The following YEATS4 variants were observed in gnomAD, a reference collection of about 807,000 sequenced individuals.
YEATS4 encodes YEATS domain-containing protein 4.
YEATS4 carries 17 observed loss-of-function variants against 30.1 expected under a neutral mutation model. The observed-to-expected ratio is 0.56, with a 90% confidence interval of 0.39 to 0.85. The LOEUF is 0.85. Among genes scored for constraint, YEATS4 ranks in the 40% least tolerant of loss-of-function variants. The pLI is 0.00. For synonymous variants in YEATS4, 85 were observed against 87.5 expected, an observed-to-expected ratio of 0.97 and a Z score of 0.16; for missense variants, 142 against 268.3, an observed-to-expected ratio of 0.53 and a Z score of 3.29.
At chr12:69,408,841 G>A in the YEATS4 span, among the ~76,000 whole-genome samples, 1 of 152,068 alleles carries the variant, frequency 6.6e-6, no homozygotes, top group Admixed American at 6.6e-5. Flanking sequence ...GTGTGTCAGG[G>A]GCCTTTTCCT....
downstream of YEATS4, among the ~76,000 whole-genome samples, chr12:69,394,617 GTGTTTGTT>G (rs60206769): frequency 0.024 from 3,689 of 151,414 alleles, 142 homozygotes; most frequent in African/African-American, 0.084. Flanking sequence ...TGGAGATAGT[GTGTTTGTT>G]TGTTTGTTTG....
the YEATS4 span, among the ~76,000 whole-genome samples, chr12:69,418,629 G>GT: frequency 6.6e-6 from 1 of 152,104 alleles, no homozygotes; most frequent in African/African-American, 2.4e-5. Flanking sequence ...ATTGAAGTTG[G>GT]TTTTTTTCTT....
At chr12:69,388,025 A>G (rs531276722) in intron 6 of YEATS4, among the ~76,000 whole-genome samples, 27 of 151,906 alleles carry the variant, frequency 1.8e-4, no homozygotes, top group Non-Finnish European at 2.9e-4. Flanking sequence ...GAAAGAACTC[A>G]TTAATATTCA....
At chr12:69,424,821 T>G in the YEATS4 span, among the ~76,000 whole-genome samples, 1 of 152,166 alleles carries the variant, frequency 6.6e-6, no homozygotes, top group Non-Finnish European at 1.5e-5. Context: ...TAATTAAACC[T>G]CTTTCCTTTA....
the YEATS4 span, among the ~76,000 whole-genome samples, chr12:69,414,337 C>T: frequency 7.3e-6 from 1 of 136,638 alleles, no homozygotes; most frequent in Non-Finnish European, 1.7e-5. Context: ...TCAAGTGATC[C>T]TACTACCTCA....
chr12:69,390,214 T>C lies in YEATS4; in HGVS notation c.582T>C (p.Ile194=), dbSNP rs376340867. 7.5e-6 allele frequency: 12 copies of C among 1,603,602 alleles called. No homozygotes were observed. The highest frequency in any genetic ancestry group is 9.3e-6 in the Non-Finnish European group (11 of 1,177,568). ...CTAAGAAAAAAACAAGCTTTGAGAT[T>C]GCAGAGCTTAAGGAGAGATTAAAAG... is the stretch of plus-strand genomic sequence containing the variant. ...EAAKKKTSFE[I]AELKERLKAS... The change falls in exon 7 of 7, where the codon ATT becomes ATC. Residue 194 remains isoleucine, a synonymous_variant. Transcript: ENST00000247843.
the YEATS4 span, among the ~76,000 whole-genome samples, chr12:69,403,477 T>C: frequency 6.7e-6 from 1 of 149,878 alleles, no homozygotes; most frequent in Admixed American, 6.7e-5. Flanking sequence ...CTCGGGAGGC[T>C]AAGGCAGCAG....
the YEATS4 span, among the ~76,000 whole-genome samples, chr12:69,416,937 G>A: frequency 2.0e-5 from 3 of 151,782 alleles, no homozygotes; most frequent in South Asian, 6.2e-4. Context: ...GCCGGGCATG[G>A]TGGTGGGTGC....
In YEATS4 at chr12:69,359,949, C is replaced by T. The variant is rs1592844480; in HGVS notation, c.-24C>T. ...CAGCCCCGGTCTCTTTCCCTGGCGGCGGCGGCTTCTTCCGTGGGACAATAT... is the reference window on the plus strand; with the variant it reads ...CAGCCCCGGTCTCTTTCCCTGGCGGTGGCGGCTTCTTCCGTGGGACAATAT... On this transcript the variant is annotated 5_prime_UTR_variant, in exon 1 of 7. Coordinates refer to ENST00000247843, the MANE Select transcript of YEATS4 (RefSeq NM_006530.4). The T allele has an allele frequency of 6.2e-7, 1 of 1,611,598 alleles. No homozygotes were observed. The highest frequency in any genetic ancestry group is 2.2e-5 in the East Asian group (1 of 44,610).
chr12:69,378,021 C>T (rs1277804053), intron 6 of YEATS4, among the ~76,000 whole-genome samples: 1 of 152,178 alleles, frequency 6.6e-6, no homozygotes, highest in East Asian at 1.9e-4. Context: ...TATCTGACTG[C>T]TCCACTGTTG....
intron 6 of YEATS4, among the ~76,000 whole-genome samples, chr12:69,375,147 G>C (rs898142402): frequency 6.6e-6 from 1 of 150,414 alleles, no homozygotes; most frequent in African/African-American, 2.5e-5. Flanking sequence ...CTTCCCAGAC[G>C]GGGAGGCTGC....
chr12:69,390,380 T>G lies in YEATS4; in HGVS notation c.*64T>G. On this transcript the variant is annotated 3_prime_UTR_variant, in exon 7 of 7. Transcript: ENST00000247843. ...AATAAGGTGGGCTTCACTGGAGAAA[T>G]GGACTTACTGCAAATGCTGTGATGT... 2.1e-6 allele frequency: 3 copies of G among 1,412,522 alleles called. No individual in the cohort carries two copies. The allele number at this position is 1,412,522 out of a possible 1,614,324, so 87.5% of individuals were successfully genotyped here. A position where few individuals can be genotyped will look rare whatever the true frequency, so the allele number is the denominator to read the frequency against.
intron 4 of YEATS4, among the ~76,000 whole-genome samples, chr12:69,368,117 A>AG (rs1450152255): frequency 6.6e-6 from 1 of 152,202 alleles, no homozygotes; most frequent in Non-Finnish European, 1.5e-5. Flanking sequence ...AAAATATTAT[A>AG]GGGTTTTTTA....
At chr12:69,400,062 C>T in the YEATS4 span, among the ~76,000 whole-genome samples, 1 of 151,978 alleles carries the variant, frequency 6.6e-6, no homozygotes, top group Admixed American at 6.6e-5. Flanking sequence ...GTGATCGTTA[C>T]ACAACCTTGT....
At chr12:69,364,205 C>G (rs891103298) in intron 2 of YEATS4, 4 of 448,210 alleles carry the variant, frequency 8.9e-6, no homozygotes, top group South Asian at 6.3e-5. Flanking sequence ...GTAATCTCAG[C>G]ACTATGGGAG....
intron 6 of YEATS4, among the ~76,000 whole-genome samples, chr12:69,373,304 A>G (rs1875715046): frequency 6.6e-6 from 1 of 152,052 alleles, no homozygotes; most frequent in Non-Finnish European, 1.5e-5. Flanking sequence ...TGCATTTGTT[A>G]TTGCCTGTCT....
At chr12:69,423,630 A>G in the YEATS4 span, among the ~76,000 whole-genome samples, 2,419 of 152,320 alleles carry the variant, frequency 0.016, 69 homozygotes, top group African/African-American at 0.055. Flanking sequence ...GCTGACACGA[A>G]GAAGCATAAA....
chr12:69,411,371 C>G, the YEATS4 span, among the ~76,000 whole-genome samples: 1 of 152,188 alleles, frequency 6.6e-6, no homozygotes, highest in Non-Finnish European at 1.5e-5. Flanking sequence ...CACAAGCAAT[C>G]CTCCCACCTT....
At chr12:69,405,433 C>T in the YEATS4 span, among the ~76,000 whole-genome samples, 1 of 152,142 alleles carries the variant, frequency 6.6e-6, no homozygotes, top group African/African-American at 2.4e-5. Flanking sequence ...CTTTAGTGAC[C>T]TCAGCGTACA....
Sources: gnomAD v4.1 joint callset for allele counts (sites outside exome capture counted in the v4.1 genomes callset) on GRCh38, gnomAD v4.1.1 for gene constraint, MANE v1.5 for transcripts, NCBI Gene and HGNC (gene_info 2026-07-23, HGNC 2026-07-21) for gene names.